AFG1L: variants seen among roughly 807,000 people sequenced by gnomAD.
AFG1L encodes AFG1-like ATPase.
A neutral mutation model predicts 62.2 loss-of-function variants in AFG1L; 53 were observed. That is an observed-to-expected ratio of 0.85 (90% CI 0.68 to 1.07). AFG1L has a LOEUF of 1.07. AFG1L is among the 50% of genes least tolerant of loss of function. The pLI is 0.00. For missense variants in AFG1L, 555 were observed against 590.5 expected, an observed-to-expected ratio of 0.94 and a Z score of 0.62; for synonymous variants, 228 against 210.3, an observed-to-expected ratio of 1.08 and a Z score of -0.73.
chr6:108,402,136 G>A, intron 7 of AFG1L, 82 bp downstream of exon 7: 1 of 663,730 alleles, frequency 1.5e-6, no homozygotes. Flanking sequence ...TCTTAGTCTT[G>A]GCATTCAAGC....
chr6:108,374,231 T>TA (rs1193748062), intron 6 of AFG1L, among the ~76,000 whole-genome samples: 3 of 152,232 alleles, frequency 2.0e-5, no homozygotes, highest in African/African-American at 7.2e-5. Context: ...AGATTCTGGA[T>TA]ATTAGACCTT....
At chr6:108,463,011 C>T (rs1394511654) in intron 8 of AFG1L, among the ~76,000 whole-genome samples, 2 of 152,192 alleles carry the variant, frequency 1.3e-5, no homozygotes, top group East Asian at 1.9e-4. Context: ...TGGCCTCAGC[C>T]GGGTGCAGTG....
At chr6:108,371,544 A>G (rs987687013) in intron 6 of AFG1L, among the ~76,000 whole-genome samples, 3 of 152,072 alleles carry the variant, frequency 2.0e-5, no homozygotes, top group Admixed American at 1.3e-4. Flanking sequence ...GCAAATTTTT[A>G]AATTTTTTGT....
chr6:108,460,351 C>T (rs969616414), intron 8 of AFG1L, among the ~76,000 whole-genome samples: 2 of 151,866 alleles, frequency 1.3e-5, no homozygotes, highest in African/African-American at 4.8e-5. Context: ...AATAGAAAAA[C>T]ATCAGGAACC....
intron 6 of AFG1L, among the ~76,000 whole-genome samples, chr6:108,399,438 G>A (rs1048996700): frequency 2.0e-5 from 3 of 151,558 alleles, no homozygotes; most frequent in African/African-American, 7.3e-5. Flanking sequence ...TGCCTGCCTC[G>A]ACCTCCCAAA....
intron 2 of AFG1L, among the ~76,000 whole-genome samples, chr6:108,338,991 C>T (rs1283561718): frequency 6.6e-6 from 1 of 151,950 alleles, no homozygotes; most frequent in African/African-American, 2.4e-5. Flanking sequence ...ATACAGTGTC[C>T]TCTCAAACTT....
chr6:108,346,497 C>G (rs997557009), intron 2 of AFG1L, among the ~76,000 whole-genome samples: 3 of 152,132 alleles, frequency 2.0e-5, no homozygotes, highest in Non-Finnish European at 1.5e-5. Context: ...CCCTGAGTAA[C>G]TGGGACCACA....
chr6:108,441,712 A>AAAAAT (rs1401294615), intron 7 of AFG1L, among the ~76,000 whole-genome samples: 5 of 139,486 alleles, frequency 3.6e-5, no homozygotes, highest in South Asian at 2.3e-4. Context: ...AAAAAAAAAA[A>AAAAAT]ATATATATAT....
At chr6:108,380,577 G>A (rs1780456928) in intron 6 of AFG1L, among the ~76,000 whole-genome samples, 1 of 152,328 alleles carries the variant, frequency 6.6e-6, no homozygotes, top group African/African-American at 2.4e-5. Context: ...AGTTCTGGAT[G>A]TGGAGGCCCC....
chr6:108,483,049 C>T (rs559764165), intron 10 of AFG1L, among the ~76,000 whole-genome samples: 1 of 152,212 alleles, frequency 6.6e-6, no homozygotes, highest in East Asian at 1.9e-4. Flanking sequence ...TACATATCCA[C>T]ATAAGGCTAG....
chr6:108,351,716 G>A (rs979367114), intron 3 of AFG1L, among the ~76,000 whole-genome samples: 6 of 151,924 alleles, frequency 3.9e-5, no homozygotes, highest in Non-Finnish European at 8.8e-5. Context: ...GTATTCAATT[G>A]TTTTTATTAT....
At chr6:108,508,580 G>A (rs182809270) in intron 10 of AFG1L, among the ~76,000 whole-genome samples, 1 of 152,290 alleles carries the variant, frequency 6.6e-6, no homozygotes, top group African/African-American at 2.4e-5. Flanking sequence ...TGTGCCCATT[G>A]CCTAGGTCCC....
intron 6 of AFG1L, among the ~76,000 whole-genome samples, chr6:108,381,032 A>G (rs1221682668): frequency 6.6e-6 from 1 of 152,170 alleles, no homozygotes; most frequent in African/African-American, 2.4e-5. Context: ...ATCTTTATAT[A>G]CTATCTTGCT....
intron 7 of AFG1L, among the ~76,000 whole-genome samples, chr6:108,433,262 T>TTTA (rs1252795351): frequency 7.1e-6 from 1 of 140,382 alleles, no homozygotes; most frequent in African/African-American, 2.5e-5. Flanking sequence ...AAACATTAAC[T>TTTA]TTATTATTGT....
chr6:108,342,805 G>C (rs1778728335), intron 2 of AFG1L, among the ~76,000 whole-genome samples: 1 of 151,978 alleles, frequency 6.6e-6, no homozygotes, highest in African/African-American at 2.4e-5. Context: ...TCATTTTGTT[G>C]ATCAATTTAC....
At chr6:108,426,383 T>G (rs1770817164) in intron 7 of AFG1L, among the ~76,000 whole-genome samples, 1 of 152,220 alleles carries the variant, frequency 6.6e-6, no homozygotes, top group South Asian at 2.1e-4. Context: ...ATAGTTCCTT[T>G]CTGTGGGAGA....
At chr6:108,410,281 TG>T (rs1782038374) in intron 7 of AFG1L, among the ~76,000 whole-genome samples, 1 of 151,792 alleles carries the variant, frequency 6.6e-6, no homozygotes, top group Non-Finnish European at 1.5e-5. Context: ...CACTCCAGCC[TG>T]GGCAAGAGCG....
At chr6:108,448,794 G>A (rs1289115156) in intron 8 of AFG1L, among the ~76,000 whole-genome samples, 4 of 152,096 alleles carry the variant, frequency 2.6e-5, no homozygotes, top group Non-Finnish European at 5.9e-5. Context: ...AATGTCCAGA[G>A]TCCAGGAAAC....
At chr6:108,307,471 T>G (rs1777245625) in intron 1 of AFG1L, among the ~76,000 whole-genome samples, 1 of 150,770 alleles carries the variant, frequency 6.6e-6, no homozygotes, top group Non-Finnish European at 1.5e-5. Flanking sequence ...AGTACAGTGG[T>G]GTGATCACAG....
Sources: allele counts gnomAD v4.1 joint callset (sites outside exome capture counted in the v4.1 genomes callset), GRCh38; gene constraint gnomAD v4.1.1; transcripts MANE v1.5; gene names NCBI Gene and HGNC (gene_info 2026-07-23, HGNC 2026-07-21).